STXBP6: variants seen among roughly 807,000 people sequenced by gnomAD.
STXBP6 encodes syntaxin binding protein 6.
STXBP6 carries 21 observed loss-of-function variants against 26.9 expected under a neutral mutation model. The ratio of observed to expected loss-of-function variants is 0.78; its 90% confidence interval spans 0.55 to 1.12. The LOEUF is 1.12. Ranked by LOEUF, STXBP6 falls within the 50% of genes most tolerant of loss-of-function variation. The pLI is 0.00. For missense variants in STXBP6, 232 were observed against 257.9 expected (o/e 0.90, Z 0.69); for synonymous variants, 97 against 92.6 (o/e 1.05, Z -0.27).
intron 1 of STXBP6, among the ~76,000 whole-genome samples, chr14:24,986,304 G>A (rs796242595): frequency 3.4e-4 from 52 of 152,230 alleles, no homozygotes; most frequent in African/African-American, 1.1e-3. Flanking sequence ...CTGCCCAAGC[G>A]GAACAGCCCA....
At chr14:24,864,801 G>C (rs1011097065) in intron 2 of STXBP6, among the ~76,000 whole-genome samples, 1 of 152,102 alleles carries the variant, frequency 6.6e-6, no homozygotes, top group African/African-American at 2.4e-5. Context: ...AGAATTATCT[G>C]CTCTCTTGGC....
intron 2 of STXBP6, among the ~76,000 whole-genome samples, chr14:24,963,235 G>GT (rs1449770678): frequency 2.6e-5 from 4 of 152,164 alleles, no homozygotes; most frequent in African/African-American, 7.2e-5. Context: ...TCTGAACAGA[G>GT]GTATAACCCA....
intron 2 of STXBP6, among the ~76,000 whole-genome samples, chr14:24,970,453 G>C (rs1382712188): frequency 6.6e-6 from 1 of 151,942 alleles, no homozygotes; most frequent in Non-Finnish European, 1.5e-5. Context: ...GTCTGTTCTA[G>C]AATGTCATAT....
chr14:24,948,777 C>T (rs2073073239), intron 2 of STXBP6, among the ~76,000 whole-genome samples: 1 of 152,146 alleles, frequency 6.6e-6, no homozygotes, highest in Non-Finnish European at 1.5e-5. Flanking sequence ...TATTTTGTCT[C>T]AGTATAATTT....
intron 2 of STXBP6, among the ~76,000 whole-genome samples, chr14:24,955,017 T>C (rs544034608): frequency 6.6e-6 from 1 of 152,292 alleles, no homozygotes; most frequent in Non-Finnish European, 1.5e-5. Context: ...TCTGAGAGGG[T>C]TGTAGAAGGA....
chr14:24,993,770 G>A (rs1374681627), intron 1 of STXBP6, among the ~76,000 whole-genome samples: 1 of 152,162 alleles, frequency 6.6e-6, no homozygotes, highest in Non-Finnish European at 1.5e-5. Flanking sequence ...GTAGCAGACA[G>A]CACCAGCTGC....
intron 2 of STXBP6, among the ~76,000 whole-genome samples, chr14:24,950,041 G>C (rs1014840731): frequency 3.3e-5 from 5 of 152,140 alleles, no homozygotes; most frequent in Non-Finnish European, 2.9e-5. Flanking sequence ...TTTGCCAACT[G>C]ATCTTTGCTC....
chr14:24,965,914 T>C (rs549772003), intron 2 of STXBP6, among the ~76,000 whole-genome samples: 1 of 152,264 alleles, frequency 6.6e-6, no homozygotes, highest in South Asian at 2.1e-4. Flanking sequence ...AACAGTGCCT[T>C]CTTGGTAGGC....
At chr14:24,830,427 A>G (rs2068422729) in intron 4 of STXBP6, among the ~76,000 whole-genome samples, 1 of 152,310 alleles carries the variant, frequency 6.6e-6, no homozygotes, top group South Asian at 2.1e-4. Context: ...TTTGAGATAC[A>G]TATTAATGGA....
chr14:24,936,281 GAAACA>G (rs1161903670), intron 2 of STXBP6, among the ~76,000 whole-genome samples: 1 of 151,892 alleles, frequency 6.6e-6, no homozygotes, highest in Non-Finnish European at 1.5e-5. Flanking sequence ...TCACAGGCCA[GAAACA>G]AAACAAAACA....
chr14:24,839,703 T>C (rs1196718681), intron 4 of STXBP6, among the ~76,000 whole-genome samples: 1 of 152,234 alleles, frequency 6.6e-6, no homozygotes, highest in Non-Finnish European at 1.5e-5. Context: ...CAAAGTGCTC[T>C]GTGACAACTC....
chr14:24,943,427 C>T (rs1418455273), intron 2 of STXBP6, among the ~76,000 whole-genome samples: 1 of 152,236 alleles, frequency 6.6e-6, no homozygotes, highest in African/African-American at 2.4e-5. Flanking sequence ...GCCACTGCTT[C>T]TTTGGGCTTT....
intron 2 of STXBP6, among the ~76,000 whole-genome samples, chr14:24,957,796 C>T (rs1817444455): frequency 6.6e-6 from 1 of 152,204 alleles, no homozygotes; most frequent in Admixed American, 6.5e-5. Context: ...TACAGCTAGT[C>T]AGTAGTAGAA....
chr14:24,868,746 A>G (rs1001931180), intron 2 of STXBP6, among the ~76,000 whole-genome samples: 2 of 152,210 alleles, frequency 1.3e-5, no homozygotes, highest in African/African-American at 4.8e-5. Context: ...TTCTACCGCA[A>G]TAGCCCAGGA....
intron 4 of STXBP6, among the ~76,000 whole-genome samples, chr14:24,833,555 T>C (rs945371125): frequency 1.3e-5 from 2 of 152,184 alleles, no homozygotes; most frequent in Non-Finnish European, 2.9e-5. Flanking sequence ...GAAGATATAT[T>C]TGGTTTTATA....
chr14:24,928,215 G>A (rs2072250192), intron 2 of STXBP6, among the ~76,000 whole-genome samples: 1 of 152,096 alleles, frequency 6.6e-6, no homozygotes, highest in Admixed American at 6.5e-5. Context: ...TGAAAACTAT[G>A]TACACTTATA....
chr14:25,042,594 G>A (rs557029690), intron 1 of STXBP6, among the ~76,000 whole-genome samples: 3 of 152,186 alleles, frequency 2.0e-5, no homozygotes, highest in Non-Finnish European at 4.4e-5. Flanking sequence ...TCACGCACAC[G>A]TTAATGGTAG....
intron 2 of STXBP6, among the ~76,000 whole-genome samples, chr14:24,886,273 G>A (rs2070583916): frequency 6.6e-6 from 1 of 152,134 alleles, no homozygotes; most frequent in Admixed American, 6.5e-5. Flanking sequence ...AAAACACCTT[G>A]CTTTGGAGTC....
At chr14:24,977,006 G>A (rs1237882749) in intron 1 of STXBP6, among the ~76,000 whole-genome samples, 1 of 151,634 alleles carries the variant, frequency 6.6e-6, no homozygotes, top group East Asian at 1.9e-4. Flanking sequence ...GTGATTACAG[G>A]TGCCTACCAC....
Sources: gnomAD v4.1 joint callset for allele counts (sites outside exome capture counted in the v4.1 genomes callset) on GRCh38, gnomAD v4.1.1 for gene constraint, MANE v1.5 for transcripts, NCBI Gene and HGNC (gene_info 2026-07-23, HGNC 2026-07-21) for gene names.